Variants in NADK2 observed in about 807,000 individuals in gnomAD.
The protein encoded by NADK2 is NAD kinase 2, mitochondrial, also known as NAD kinase domain-containing protein 1, mitochondrial.
A neutral mutation model predicts 62.1 loss-of-function variants in NADK2; 35 were observed. The observed-to-expected ratio is 0.56, with a 90% CI of 0.43 to 0.75. The LOEUF (loss-of-function observed/expected upper bound fraction) is 0.75. Ranked by LOEUF, NADK2 falls within the 30% of genes least tolerant of loss-of-function variation. The probability of loss-of-function intolerance (pLI) is 0.00; values close to 1 mark genes in which losing one functional copy is unlikely to be tolerated. For missense variants in NADK2, 439 were observed against 561.3 expected, an observed-to-expected ratio of 0.78 and a Z score of 2.20; for synonymous variants, 205 against 207.9, an observed-to-expected ratio of 0.99 and a Z score of 0.12.
In NADK2 at chr5:36,241,360, T is replaced by C. The variant is rs977454097; in HGVS notation, c.300+139A>G. On this transcript the variant is annotated intron_variant, in intron 1 of 11. Coordinates refer to ENST00000381937, the MANE Select transcript of NADK2 (RefSeq NM_001085411.3). This position sits in a 1 kb window ranked among gnomAD's most constrained non-coding sequence, Gnocchi z 4.9. ...AGGCCCAGGGAGAAGCCAGAGGACC[T>C]GGGGGCCGCGAGAGAGGCAGGACCG... 6.0e-6 allele frequency: 8 copies of C among 1,333,504 alleles called. No individual in the cohort carries two copies. The highest frequency in any genetic ancestry group is 5.1e-5 in the South Asian group (3 of 58,604). 82.6% of individuals were successfully genotyped at this position (1,333,504 alleles called of 1,614,324 possible).
At chr5:36,240,359 T>C (rs966620910) in intron 1 of NADK2, among the ~76,000 whole-genome samples, 1 of 152,222 alleles carries the variant, frequency 6.6e-6, no homozygotes, top group Admixed American at 6.5e-5. Context: ...GATTCAGCAC[T>C]TAAGCAAAGA....
In NADK2 at chr5:36,241,889, C is replaced by G; in HGVS notation, c.-91G>C. The G allele has an allele frequency of 9.9e-7, 1 of 1,009,886 alleles. No homozygotes were observed. Among genetic ancestry groups the G allele is most frequent in the Non-Finnish European group, 1.2e-6 (1 of 832,162 alleles). The allele number at this position is 1,009,886 out of a possible 1,614,324, so 62.6% of individuals were successfully genotyped here. On this transcript the variant is annotated 5_prime_UTR_variant, in exon 1 of 12. Coordinates refer to ENST00000381937, the MANE Select transcript of NADK2 (RefSeq NM_001085411.3). The surrounding 1 kb of genome is among the most constrained non-coding windows in gnomAD (Gnocchi z 4.9). ...GTGCGCGCCGTCCGCGCCGCCCGGG[C>G]CTCTAACTTCGCGCCGGACGGGCAG... is the stretch of plus-strand genomic sequence containing the variant.
chr5:36,201,636 T>C (rs563597454), intron 8 of NADK2, among the ~76,000 whole-genome samples: 60 of 152,104 alleles, frequency 3.9e-4, no homozygotes, highest in African/African-American at 1.4e-3. Context: ...AAATAAAAGG[T>C]ATCATATAGT....
Position 36,241,829 on chromosome 5 carries a change from C to A in NADK2, c.-31G>T, listed in dbSNP as rs1273705822. ...GCCGGGCCGCGGCCGCGGGCTTGGG[C>A]TCGGGCCCCTTGCCTCAGCTCCCTA... is the stretch of plus-strand genomic sequence containing the variant. On this transcript the variant is annotated 5_prime_UTR_variant, in exon 1 of 12. Transcript: ENST00000381937. The surrounding 1 kb of genome is among the most constrained non-coding windows in gnomAD (Gnocchi z 4.9). The A allele has an allele frequency of 1.6e-6, 2 of 1,268,406 alleles. No homozygotes were observed. The highest frequency in any genetic ancestry group is 9.9e-7 in the Non-Finnish European group (1 of 1,008,302). 78.6% of individuals were successfully genotyped at this position (1,268,406 alleles called of 1,614,324 possible).
intron 8 of NADK2, among the ~76,000 whole-genome samples, chr5:36,204,632 A>G (rs1746568522): frequency 6.6e-6 from 1 of 152,066 alleles, no homozygotes. Flanking sequence ...TTTTTTCATA[A>G]AATTATTGGA....
intron 8 of NADK2, among the ~76,000 whole-genome samples, chr5:36,203,477 T>C (rs13178531): frequency 0.42 from 63,460 of 151,868 alleles, 16,035 homozygotes; most frequent in Non-Finnish European, 0.58. Flanking sequence ...GCAAGCAAGC[T>C]GCATGGGGCT....
intron 1 of NADK2, among the ~76,000 whole-genome samples, chr5:36,234,112 C>G (rs749147100): frequency 7.2e-5 from 11 of 152,016 alleles, no homozygotes; most frequent in Non-Finnish European, 1.2e-4. Context: ...CGGTGGCTCA[C>G]GCCTGTAATC....
chr5:36,238,088 A>G (rs1217756330), intron 1 of NADK2, among the ~76,000 whole-genome samples: 1 of 152,192 alleles, frequency 6.6e-6, no homozygotes, highest in Non-Finnish European at 1.5e-5. Flanking sequence ...AGTACTCCAA[A>G]TCATGCTCTT....
Position 36,209,185 on chromosome 5 carries a change from T to C in NADK2, c.861-1920A>G, listed in dbSNP as rs181282142. On this transcript the variant is annotated intron_variant, in intron 7 of 11. Transcript: ENST00000381937. The stretch of plus-strand genomic sequence containing the variant: ...TTGCTGTCCTTACTTAGTAAAAACA[T>C]AAGGTGAGACATCAAAGAACACAAA... 3.7e-3 allele frequency among the ~76,000 whole-genome samples: 563 copies of C among 152,172 alleles called. 15 individuals are homozygous for C. Among genetic ancestry groups the C allele is most frequent in the Admixed American group, 0.032 (482 of 15,274 alleles).
In NADK2 at chr5:36,226,621, GTA is replaced by G. The variant is rs1334061486; in HGVS notation, c.390-60_390-59del. On this transcript the variant is annotated intron_variant, in intron 2 of 11. Coordinates refer to ENST00000381937, the MANE Select transcript of NADK2 (RefSeq NM_001085411.3). ...TCCACTAATAATATATATAACAGGG[GTA>G]TGTTTTCTGAGAGGCAGATGATTAC... The G allele has an allele frequency of 8.9e-6, 11 of 1,235,128 alleles. No individual in the cohort carries two copies. The East Asian group carries it at 2.6e-4, about 29-fold the overall frequency. The allele number at this position is 1,235,128 out of a possible 1,614,324, so 76.5% of individuals were successfully genotyped here. A position where few individuals can be genotyped will look rare whatever the true frequency, so the allele number is the denominator to read the frequency against.
intron 1 of NADK2, among the ~76,000 whole-genome samples, chr5:36,231,633 C>A (rs1226629693): frequency 6.6e-6 from 1 of 152,174 alleles, no homozygotes; most frequent in Non-Finnish European, 1.5e-5. Flanking sequence ...TACATTCAAT[C>A]GCCACAGCCA....
rs201029604 is a variant in NADK2 at position 36,207,262 on chromosome 5, A to G, written c.864T>C (p.Ala288=). The part of the protein sequence containing the change: ...VFIGESLSSR[A]SYYEISVDDG... The stretch of plus-strand genomic sequence containing the variant: ...CATCAACTGAAATCTCATAGTAGGA[A>G]GCCCTGTGAATTGAGAATATAAAAC... Residue 288 remains alanine, a synonymous_variant, in exon 8 of 12, where the codon GCT becomes GCC. Transcript: ENST00000381937. 2.0e-5 allele frequency: 32 copies of G among 1,610,296 alleles called. No individual in the cohort carries two copies. Among genetic ancestry groups the G allele is most frequent in the Non-Finnish European group, 5.9e-6 (7 of 1,177,236 alleles).
intron 1 of NADK2, among the ~76,000 whole-genome samples, chr5:36,231,658 C>A (rs890711274): frequency 6.6e-6 from 1 of 152,080 alleles, no homozygotes; most frequent in Non-Finnish European, 1.5e-5. Flanking sequence ...GTACTGAAGT[C>A]CAATAATTAT....
In NADK2 at chr5:36,195,008, T is replaced by G. The variant is rs1486857178; in HGVS notation, c.*136A>C. The G allele has an allele frequency of 6.1e-6, 5 of 814,826 alleles. No individual in the cohort carries two copies. Among genetic ancestry groups the G allele is most frequent in the Non-Finnish European group, 9.3e-6 (5 of 539,630 alleles). 50.5% of individuals were successfully genotyped at this position (814,826 alleles called of 1,614,324 possible). A position where few individuals can be genotyped will look rare whatever the true frequency, so the allele number is the denominator to read the frequency against. On this transcript the variant is annotated 3_prime_UTR_variant, in exon 12 of 12. Transcript: ENST00000381937. ...TTTCTATCAGAATCCAACAGAAGAA[T>G]AATGCAAATCTCACTTCTGAGCCCA...
At chr5:36,204,159 C>T (rs539851853) in intron 8 of NADK2, among the ~76,000 whole-genome samples, 8 of 152,256 alleles carry the variant, frequency 5.3e-5, no homozygotes, top group African/African-American at 1.2e-4. Context: ...AATATATAAA[C>T]GTACCTAGCA....
At chr5:36,233,819 C>T in intron 1 of NADK2, among the ~76,000 whole-genome samples, 1 of 152,136 alleles carries the variant, frequency 6.6e-6, no homozygotes. Context: ...AGATGAACTT[C>T]ACGCAAGTCT....
At chr5:36,198,722 T>TAC (rs1486251699) in intron 10 of NADK2, among the ~76,000 whole-genome samples, 1 of 151,234 alleles carries the variant, frequency 6.6e-6, no homozygotes, top group Non-Finnish European at 1.5e-5. Flanking sequence ...TTACTATATA[T>TAC]ACCTAACTTT....
Position 36,207,341 on chromosome 5 carries a change from G to A in NADK2, c.861-76C>T, listed in dbSNP as rs1337472399. 2.7e-6 allele frequency: 3 copies of A among 1,108,644 alleles called. No individual in the cohort carries two copies. In the African/African-American group the frequency reaches 4.8e-5, roughly 18 times the overall value. 68.7% of individuals were successfully genotyped at this position (1,108,644 alleles called of 1,614,324 possible). ...ATAAGAGAGTCTTCTTCAGAACTAA[G>A]GAAATCTTAAGTAAGTCAGCTTACC... On this transcript the variant is annotated intron_variant, in intron 7 of 11. Transcript: ENST00000381937.
chr5:36,236,289 T>C (rs549079938), intron 1 of NADK2, among the ~76,000 whole-genome samples: 156 of 152,362 alleles, frequency 1.0e-3, no homozygotes, highest in African/African-American at 3.6e-3. Flanking sequence ...TTCTTCTACA[T>C]CTTTGTGAGT....
Sources: allele counts gnomAD v4.1 joint callset (sites outside exome capture counted in the v4.1 genomes callset), GRCh38; gene constraint gnomAD v4.1.1; non-coding constraint Gnocchi (gnomAD v3.1); transcripts MANE v1.5; gene names NCBI Gene and HGNC (gene_info 2026-07-23, HGNC 2026-07-21).